The following ZNF333 variants were observed in gnomAD, a reference collection of about 807,000 sequenced individuals.
ZNF333 encodes zinc finger protein 333.
A neutral mutation model predicts 76.1 loss-of-function variants in ZNF333; 61 were observed. The ratio of observed to expected loss-of-function variants is 0.80; its 90% confidence interval spans 0.65 to 0.99. The LOEUF (loss-of-function observed/expected upper bound fraction) is 0.99. Ranked by LOEUF, ZNF333 falls within the 50% of genes least tolerant of loss-of-function variation. The probability of loss-of-function intolerance (pLI) is 0.00; values close to 1 mark genes in which losing one functional copy is unlikely to be tolerated. For missense variants in ZNF333, 717 were observed against 822.4 expected (o/e 0.87, Z 1.57); for synonymous variants, 284 against 305.0 (o/e 0.93, Z 0.72).
At chr19:14,701,785 A>G (rs2041965245) in intron 5 of ZNF333, 1 of 985,394 alleles carries the variant, frequency 1.0e-6, no homozygotes, top group Non-Finnish European at 1.2e-6. Context: ...GAGCCCCAGG[A>G]AACAGGCGGT....
At chr19:14,708,241 C>A in intron 7 of ZNF333, 1 of 397,052 alleles carries the variant, frequency 2.5e-6, no homozygotes, top group African/African-American at 2.1e-5. Flanking sequence ...CTCTTGACTT[C>A]AGGTGATCCG....
At chr19:14,692,374 A>C (rs1042085744) in intron 1 of ZNF333, among the ~76,000 whole-genome samples, 7 of 152,206 alleles carry the variant, frequency 4.6e-5, no homozygotes, top group African/African-American at 1.4e-4. Flanking sequence ...TCTTTCAGGC[A>C]GTACGAAGCC....
chr19:14,709,299 C>A (rs780997822), intron 7 of ZNF333: 1 of 152,220 alleles, frequency 6.6e-6, no homozygotes. Context: ...CAGACTAATA[C>A]GTCTTGTGAG....
At chr19:14,710,095 GGA>G (rs1327907410) in intron 7 of ZNF333, among the ~76,000 whole-genome samples, 2 of 152,172 alleles carry the variant, frequency 1.3e-5, no homozygotes, top group African/African-American at 2.4e-5. Context: ...AGGGAGAAGT[GGA>G]GAGAGAGTGG....
chr19:14,717,849 C>T (rs2042480798), intron 11 of ZNF333, 116 bp downstream of exon 11: 1 of 1,008,552 alleles, frequency 9.9e-7, no homozygotes, highest in Non-Finnish European at 1.5e-6. Context: ...AAGTGTTTAC[C>T]CAGAAGGAAG....
intron 5 of ZNF333, chr19:14,701,583 G>A: frequency 2.0e-6 from 2 of 985,438 alleles, no homozygotes; most frequent in Non-Finnish European, 2.4e-6. Context: ...TTGCTCAGCA[G>A]GTGGACCCCA....
downstream of ZNF333, among the ~76,000 whole-genome samples, chr19:14,722,263 C>A (rs1046672226): frequency 6.6e-6 from 1 of 152,228 alleles, no homozygotes; most frequent in Non-Finnish European, 1.5e-5. Flanking sequence ...CTCCTCCTAT[C>A]AAGAGGTGGA....
chr19:14,704,685 C>G (rs1031668823), intron 5 of ZNF333, among the ~76,000 whole-genome samples: 3 of 152,210 alleles, frequency 2.0e-5, no homozygotes, highest in African/African-American at 7.2e-5. Flanking sequence ...TAATAACCAT[C>G]AGATCTCGTG....
downstream of ZNF333, among the ~76,000 whole-genome samples, chr19:14,726,476 G>T (rs553940598): frequency 6.6e-6 from 1 of 151,964 alleles, no homozygotes; most frequent in Non-Finnish European, 1.5e-5. Flanking sequence ...CTTCTTTACC[G>T]CATGGCCAGG....
In ZNF333 at chr19:14,706,683, C is replaced by A. The variant is rs770843236; in HGVS notation, c.424-3C>A. ...AATCTGTGACCCCTGTCACTCTGTC[C>A]AGGGACTGAAGGCCGCTATGCAGAT... is the stretch of plus-strand genomic sequence containing the variant. On this transcript the variant is annotated splice_polypyrimidine_tract_variant and splice_region_variant and intron_variant, in intron 6 of 11. Coordinates refer to ENST00000292530, the MANE Select transcript of ZNF333 (RefSeq NM_032433.4). 20 of 1,613,920 alleles carry A rather than the reference C, an allele frequency of 1.2e-5. No homozygotes were observed. The highest frequency in any genetic ancestry group is 1.6e-5 in the Non-Finnish European group (19 of 1,179,918).
rs750922035 is a variant in ZNF333 at position 14,694,996 on chromosome 19, G to A, written c.4-14G>A. 25 of 1,614,042 alleles carry A rather than the reference G, an allele frequency of 1.5e-5. No homozygotes were observed. Among genetic ancestry groups the A allele is most frequent in the Admixed American group, 6.7e-5 (4 of 59,992 alleles). The stretch of plus-strand genomic sequence containing the variant: ...GGTGGTATTTGCCGAGCCAGAATGT[G>A]TGTGCTGTTTTAGGAATCCGTCACC... On this transcript the variant is annotated splice_polypyrimidine_tract_variant and intron_variant, in intron 2 of 11. Coordinates refer to ENST00000292530, the MANE Select transcript of ZNF333 (RefSeq NM_032433.4).
chr19:14,715,542 C>T, intron 8 of ZNF333, 72 bp downstream of exon 8: 3 of 1,417,790 alleles, frequency 2.1e-6, no homozygotes, highest in Non-Finnish European at 2.9e-6. Flanking sequence ...TTCCTGTGAC[C>T]TGTCTGGATC....
intron 4 of ZNF333, among the ~76,000 whole-genome samples, 196 bp downstream of exon 4, chr19:14,695,857 C>T (rs546814608): frequency 2.6e-5 from 4 of 152,138 alleles, no homozygotes; most frequent in Non-Finnish European, 4.4e-5. Flanking sequence ...CCTTTGGTTT[C>T]AGAAAAAGAT....
At chr19:14,693,416 C>G in intron 1 of ZNF333, 35 bp from the exon 2 acceptor site, 1 of 1,545,324 alleles carries the variant, frequency 6.5e-7, no homozygotes, top group Admixed American at 1.8e-5. Flanking sequence ...TCCGTCCTCA[C>G]CCCTTCTTTT....
intron 2 of ZNF333, among the ~76,000 whole-genome samples, chr19:14,693,739 G>A (rs1972943525): frequency 6.6e-6 from 1 of 152,090 alleles, no homozygotes; most frequent in East Asian, 1.9e-4. Flanking sequence ...GCTCCTCCAG[G>A]GCCATCCTTG....
intron 2 of ZNF333, among the ~76,000 whole-genome samples, 165 bp downstream of exon 2, chr19:14,693,659 C>T (rs527727556): frequency 6.6e-6 from 1 of 152,164 alleles, no homozygotes; most frequent in Non-Finnish European, 1.5e-5. Flanking sequence ...TAGGGACTTC[C>T]TTCTGTGCCT....
At chr19:14,718,148 T>C (rs961144619) in intron 11 of ZNF333, 80 bp from the exon 12 acceptor site, 2 of 1,517,186 alleles carry the variant, frequency 1.3e-6, no homozygotes, top group Non-Finnish European at 1.8e-6. Context: ...ACTGTCTTTT[T>C]CTTACATTCA....
At chr19:14,717,178 A>G in intron 10 of ZNF333, 89 bp downstream of exon 10, 2 of 1,076,150 alleles carry the variant, frequency 1.9e-6, no homozygotes, top group Non-Finnish European at 2.7e-6. Context: ...CAACCTATTC[A>G]TACCTTTGAC....
chr19:14,721,720 G>C lies in ZNF333; in HGVS notation c.*2395G>C, dbSNP rs917247556. The stretch of plus-strand genomic sequence containing the variant: ...CAGGTTCATCCATGTTATCACAAAT[G>C]ACAGAATTTCCTTCCTCATCAAGGC... On this transcript the variant is annotated 3_prime_UTR_variant, in exon 12 of 12. Coordinates refer to ENST00000292530, the MANE Select transcript of ZNF333 (RefSeq NM_032433.4). The C allele has an allele frequency of 1.4e-4, 21 of 152,168 alleles. No individual in the cohort carries two copies. Among genetic ancestry groups the C allele is most frequent in the African/African-American group, 4.6e-4 (19 of 41,436 alleles). 9.4% of individuals were successfully genotyped at this position (152,168 alleles called of 1,614,324 possible). A position where few individuals can be genotyped will look rare whatever the true frequency, so the allele number is the denominator to read the frequency against.
Sources: allele counts gnomAD v4.1 joint callset (sites outside exome capture counted in the v4.1 genomes callset), GRCh38; gene constraint gnomAD v4.1.1; transcripts MANE v1.5; gene names NCBI Gene and HGNC (gene_info 2026-07-23, HGNC 2026-07-21).